The following ADGRF5 variants were observed in gnomAD, a reference collection of about 807,000 sequenced individuals.
ADGRF5 encodes the protein adhesion G protein-coupled receptor F5, also known as G-protein coupled receptor 116.
ADGRF5 carries 75 observed loss-of-function variants against 132.3 expected under a neutral mutation model. The observed-to-expected ratio is 0.57, with a 90% CI of 0.47 to 0.69. The LOEUF (loss-of-function observed/expected upper bound fraction) is 0.69, where lower values mean the gene tolerates loss of function less well. ADGRF5 is among the 30% of genes least tolerant of loss of function. ADGRF5 has a pLI of 0.00. For missense variants in ADGRF5, 1,516 were observed against 1,630.6 expected (o/e 0.93, Z 1.21); for synonymous variants, 629 against 597.6 (o/e 1.05, Z -0.77).
At chr6:46,939,636 A>G (rs1013599272) in intron 1 of ADGRF5, among the ~76,000 whole-genome samples, 1 of 152,208 alleles carries the variant, frequency 6.6e-6, no homozygotes, top group Non-Finnish European at 1.5e-5. Context: ...TCAAAATTCA[A>G]AAGTGACTTT....
intron 14 of ADGRF5, among the ~76,000 whole-genome samples, chr6:46,863,935 G>C (rs1303966451): frequency 6.6e-6 from 1 of 152,230 alleles, no homozygotes; most frequent in Non-Finnish European, 1.5e-5. Context: ...GCGTGGAAAG[G>C]TCAGGTGAAA....
At chr6:46,892,252 A>T (rs988268147) in intron 3 of ADGRF5, among the ~76,000 whole-genome samples, 6 of 152,006 alleles carry the variant, frequency 3.9e-5, no homozygotes, top group African/African-American at 1.4e-4. Context: ...CATGTGAACC[A>T]AAGTAAATGG....
rs181966895 is a variant in ADGRF5, at chr6:46,907,111, T to G, written c.-24-325A>C. On this transcript the variant is annotated intron_variant, in intron 1 of 20. Coordinates refer to ENST00000283296, the MANE Select transcript of ADGRF5 (RefSeq NM_001098518.2). Reference sequence around the variant, plus strand: ...GAGAACACTATTCATTTTCGCTACATGCAATATACTTTGGTATTTTCAATT... The same window carrying G: ...GAGAACACTATTCATTTTCGCTACAGGCAATATACTTTGGTATTTTCAATT... Among the ~76,000 whole-genome samples, 17 of 152,344 alleles carry G rather than the reference T, an allele frequency of 1.1e-4. No individual in the cohort carries two copies. The East Asian group carries it at 2.5e-3, about 22-fold the overall frequency.
chr6:46,878,153 G>A (rs778931607), intron 10 of ADGRF5, 49 bp downstream of exon 10: 1 of 1,191,010 alleles, frequency 8.4e-7, no homozygotes, highest in Non-Finnish European at 1.3e-6. Flanking sequence ...TTTCTACTTG[G>A]CCAAGAGGCA....
At chr6:46,859,816 A>ATTATT (rs1491009493) in intron 16 of ADGRF5, among the ~76,000 whole-genome samples, 6 of 31,384 alleles carry the variant, frequency 1.9e-4, no homozygotes, top group Non-Finnish European at 4.4e-4. Flanking sequence ...AGGGATATTT[A>ATTATT]CTATTTTATT....
At position 46,888,101 on chromosome 6, in the gene ADGRF5, A is replaced by T. The variant is rs1773240366; in HGVS notation, c.328+234T>A. ...GGGATCACTTTATGACAAGCATCAT[A>T]CAAACCACCAAGCAAACCTTTGGTC... On this transcript the variant is annotated intron_variant, in intron 4 of 20. Coordinates refer to ENST00000283296, the MANE Select transcript of ADGRF5 (RefSeq NM_001098518.2). The T allele has an allele frequency of 3.3e-5, 14 of 424,900 alleles. No homozygotes were observed. In the South Asian group the frequency reaches 4.2e-4, roughly 13 times the overall value. 26.3% of individuals were successfully genotyped at this position (424,900 alleles called of 1,614,324 possible). A position where few individuals can be genotyped will look rare whatever the true frequency, so the allele number is the denominator to read the frequency against.
rs1308274009 is a variant in ADGRF5, at chr6:46,953,665, A to G, written c.-25+1069T>C. 3.9e-3 allele frequency among the ~76,000 whole-genome samples: 513 copies of G among 131,410 alleles called. 26 individuals are homozygous for G. Among genetic ancestry groups the G allele is most frequent in the African/African-American group, 0.015 (488 of 32,704 alleles). The allele number at this position is 131,410 out of a possible 152,430, so 86.2% of individuals were successfully genotyped here. On this transcript the variant is annotated intron_variant, in intron 1 of 20. Coordinates refer to the ADGRF5 transcript ENST00000265417. ...TAGATATATGTGTATATATATATAT[A>G]TATATATATATATATATATATATAT...
intron 1 of ADGRF5, among the ~76,000 whole-genome samples, chr6:46,941,433 AAAGAAAAG>A (rs1778069093): frequency 3.5e-5 from 2 of 57,674 alleles, no homozygotes; most frequent in African/African-American, 1.0e-4. Flanking sequence ...AAAGAAAAGA[AAAGAAAAG>A]AAAAGAAAAG....
At chr6:46,901,002 T>A (rs1279688472) in intron 2 of ADGRF5, among the ~76,000 whole-genome samples, 1 of 152,122 alleles carries the variant, frequency 6.6e-6, no homozygotes, top group Non-Finnish European at 1.5e-5. Context: ...AGAACTTTGA[T>A]GCGAGGACAA....
At chr6:46,952,027 C>T (rs1329085397) in intron 1 of ADGRF5, among the ~76,000 whole-genome samples, 1 of 152,170 alleles carries the variant, frequency 6.6e-6, no homozygotes, top group Admixed American at 6.5e-5. Context: ...ACTCTGAAAT[C>T]AGGGATTCTC....
intron 1 of ADGRF5, among the ~76,000 whole-genome samples, chr6:46,909,319 T>C (rs1375778525): frequency 2.0e-5 from 3 of 152,146 alleles, no homozygotes; most frequent in Admixed American, 1.3e-4. Flanking sequence ...AAGAACATTA[T>C]CAGATGTCAT....
chr6:46,913,357 G>A (rs775118058), intron 1 of ADGRF5, among the ~76,000 whole-genome samples: 3 of 152,152 alleles, frequency 2.0e-5, no homozygotes, highest in Non-Finnish European at 4.4e-5. Flanking sequence ...AAATCAGCCA[G>A]GCATTGTGGT....
intron 20 of ADGRF5, among the ~76,000 whole-genome samples, chr6:46,855,100 A>C (rs1768889652): frequency 6.6e-6 from 1 of 152,214 alleles, no homozygotes; most frequent in African/African-American, 2.4e-5. Context: ...CAGGGGTTTC[A>C]ATTTGCTAGA....
chr6:46,945,994 G>A (rs1778289026), intron 1 of ADGRF5, among the ~76,000 whole-genome samples: 1 of 152,150 alleles, frequency 6.6e-6, no homozygotes, highest in African/African-American at 2.4e-5. Context: ...TCTCTACCTG[G>A]TCCCAACCTT....
chr6:46,919,630 T>G (rs1776739236), intron 1 of ADGRF5, among the ~76,000 whole-genome samples: 1 of 152,168 alleles, frequency 6.6e-6, no homozygotes, highest in African/African-American at 2.4e-5. Flanking sequence ...AGTGTTAGTC[T>G]ACAGGGCCTC....
chr6:46,870,663 A>G (rs1770950334), intron 11 of ADGRF5: 1 of 219,808 alleles, frequency 4.5e-6, no homozygotes. Flanking sequence ...AAAAAGGCTC[A>G]TGGAACCATG....
At chr6:46,854,915 C>T (rs187089519) in intron 20 of ADGRF5, 24 of 394,668 alleles carry the variant, frequency 6.1e-5, no homozygotes, top group Non-Finnish European at 2.4e-5. Flanking sequence ...AACCCAAGTC[C>T]TGTGGAGTTT....
chr6:46,898,602 T>G (rs1252069960), intron 3 of ADGRF5, among the ~76,000 whole-genome samples: 1 of 152,174 alleles, frequency 6.6e-6, no homozygotes, highest in African/African-American at 2.4e-5. Flanking sequence ...TGGTATGATC[T>G]TCCAAATAGT....
intron 14 of ADGRF5, 38 bp downstream of exon 14, chr6:46,865,004 T>C (rs529201): frequency 0.92 from 1,305,702 of 1,426,812 alleles, 602,416 homozygotes; most frequent in East Asian, 0.99. Context: ...GTCCCTGCCC[T>C]GACTATAACA....
Sources: gnomAD v4.1 joint callset for allele counts (sites outside exome capture counted in the v4.1 genomes callset) on GRCh38, gnomAD v4.1.1 for gene constraint, MANE v1.5 for transcripts, NCBI Gene and HGNC (gene_info 2026-07-23, HGNC 2026-07-21) for gene names.